The following ZNF831 variants were observed in gnomAD, a reference collection of about 807,000 sequenced individuals.
The protein encoded by ZNF831 is zinc finger protein 831, also known as chromosome 20 open reading frame 174.
ZNF831 carries 59 observed loss-of-function variants against 95.8 expected under a neutral mutation model. That is an observed-to-expected ratio of 0.62 (90% CI 0.50 to 0.77). The LOEUF (loss-of-function observed/expected upper bound fraction) is 0.77, where lower values mean the gene tolerates loss of function less well. ZNF831 is among the 30% of genes least tolerant of loss of function. The probability of loss-of-function intolerance (pLI) is 0.00; values close to 1 mark genes in which losing one functional copy is unlikely to be tolerated. For synonymous variants in ZNF831, 961 were observed against 925.5 expected, an observed-to-expected ratio of 1.04 and a Z score of -0.70; for missense variants, 2,205 against 2,164.0, an observed-to-expected ratio of 1.02 and a Z score of -0.38.
chr20:59,177,571 A>G (rs1982267969), intron 1 of ZNF831, among the ~76,000 whole-genome samples: 1 of 152,230 alleles, frequency 6.6e-6, no homozygotes, highest in African/African-American at 2.4e-5. Context: ...ACGAGTTGGT[A>G]TACAGTAGAC....
intron 2 of ZNF831, among the ~76,000 whole-genome samples, chr20:59,156,744 A>G (rs1980565158): frequency 6.6e-6 from 1 of 152,158 alleles, no homozygotes. Context: ...GATTCCACAT[A>G]GAAGTGACAT....
At chr20:59,127,733 G>A (rs935274558) in intron 1 of ZNF831, among the ~76,000 whole-genome samples, 11 of 152,240 alleles carry the variant, frequency 7.2e-5, no homozygotes, top group Non-Finnish European at 1.6e-4. Context: ...TTCAAGGGCA[G>A]GGCCTGGGTT....
At chr20:59,183,204 A>C (rs1228938433) in intron 1 of ZNF831, among the ~76,000 whole-genome samples, 1 of 152,184 alleles carries the variant, frequency 6.6e-6, no homozygotes, top group Non-Finnish European at 1.5e-5. Flanking sequence ...ACCTAACGAA[A>C]GTCTGTCCCT....
At chr20:59,132,489 C>T (rs74827482) in intron 1 of ZNF831, among the ~76,000 whole-genome samples, 2,506 of 152,294 alleles carry the variant, frequency 0.016, 60 homozygotes, top group African/African-American at 0.056. Context: ...TCCCTGCAGC[C>T]TTGCCAAGCC....
intron 2 of ZNF831, 111 bp from the exon 3 acceptor site, chr20:59,195,758 C>A: frequency 3.3e-6 from 5 of 1,506,000 alleles, no homozygotes; most frequent in Non-Finnish European, 4.4e-6. Context: ...GCAGTATTTC[C>A]GTTTTGATTT....
At chr20:59,129,045 T>G (rs1979266741) in intron 1 of ZNF831, among the ~76,000 whole-genome samples, 5 of 152,324 alleles carry the variant, frequency 3.3e-5, no homozygotes, top group Admixed American at 2.6e-4. Flanking sequence ...ATTATAGGCA[T>G]GAGCCACCGT....
intron 3 of ZNF831, 50 bp from the exon 4 acceptor site, chr20:59,206,855 G>T (rs753945196): frequency 1.3e-5 from 21 of 1,583,302 alleles, no homozygotes; most frequent in South Asian, 2.3e-5. Flanking sequence ...ATTTTTCCAG[G>T]CATGTGCTCT....
chr20:59,249,210 T>C (rs1987764129), intron 4 of ZNF831, among the ~76,000 whole-genome samples: 1 of 152,224 alleles, frequency 6.6e-6, no homozygotes. Flanking sequence ...TCCTTGACTA[T>C]ATAAAACAGT....
chr20:59,204,924 T>C (rs1258622804), intron 3 of ZNF831, among the ~76,000 whole-genome samples: 1 of 152,162 alleles, frequency 6.6e-6, no homozygotes, highest in Non-Finnish European at 1.5e-5. Context: ...ACCCTGCCCA[T>C]GACTAAACTA....
intron 1 of ZNF831, among the ~76,000 whole-genome samples, chr20:59,134,887 G>A (rs1979455218): frequency 6.6e-6 from 1 of 152,148 alleles, no homozygotes; most frequent in African/African-American, 2.4e-5. Flanking sequence ...AAAGCACCTG[G>A]CTTAGAGGGT....
rs1490810668 is a variant in ZNF831, at chr20:59,192,096, C to T, written c.1077C>T (p.Pro359=). 1 of 1,595,502 alleles carries T rather than the reference C, an allele frequency of 6.3e-7. No individual in the cohort carries two copies. Among genetic ancestry groups the T allele is most frequent in the Admixed American group, 1.7e-5 (1 of 58,172 alleles). The stretch of plus-strand genomic sequence containing the variant: ...ACAGCGCGGAGCAGCCGCATGCGCC[C>T]TGCAGCCCCCTGCACAGCCTTTCGG... The part of the protein sequence containing the change: ...RSDSAEQPHA[P]CSPLHSLSEH... The change falls in exon 2 of 6, where the codon CCC becomes CCT. Residue 359 remains proline (P), a synonymous_variant. Transcript: ENST00000371030. This position sits in a 1 kb window ranked among gnomAD's most constrained non-coding sequence, Gnocchi z 5.2.
At chr20:59,194,790 TGA>T (rs1428576452) in intron 2 of ZNF831, 33 bp downstream of exon 2, 11 of 1,523,830 alleles carry the variant, frequency 7.2e-6, no homozygotes, top group Middle Eastern at 3.8e-4. Flanking sequence ...GGCCCGGGGT[TGA>T]GAGAGCATGT....
chr20:59,244,003 C>T (rs1387102813), intron 4 of ZNF831, among the ~76,000 whole-genome samples: 2 of 152,082 alleles, frequency 1.3e-5, no homozygotes, highest in East Asian at 3.9e-4. Context: ...TATTTTAGCG[C>T]ATTCTCTTCT....
At chr20:59,222,036 C>G (rs888172575) in intron 4 of ZNF831, among the ~76,000 whole-genome samples, 1 of 152,208 alleles carries the variant, frequency 6.6e-6, no homozygotes, top group Non-Finnish European at 1.5e-5. Context: ...GAGTCTGAAT[C>G]ATAGTTAATG....
chr20:59,215,756 A>T (rs182014340), intron 4 of ZNF831, among the ~76,000 whole-genome samples: 1 of 152,302 alleles, frequency 6.6e-6, no homozygotes, highest in Admixed American at 6.5e-5. Flanking sequence ...TTTTTCTCCT[A>T]GGTGCACTTA....
intron 4 of ZNF831, among the ~76,000 whole-genome samples, chr20:59,224,038 G>A (rs1986275514): frequency 6.6e-6 from 1 of 152,220 alleles, no homozygotes; most frequent in South Asian, 2.1e-4. Flanking sequence ...TTTTGGGGGT[G>A]GATGGATTAC....
At chr20:59,147,837 C>G (rs1294535620) in intron 2 of ZNF831, among the ~76,000 whole-genome samples, 1 of 152,150 alleles carries the variant, frequency 6.6e-6, no homozygotes, top group African/African-American at 2.4e-5. Context: ...ATTTCAGAGG[C>G]GAGGCTGTAA....
At chr20:59,225,765 T>A (rs1288665975) in intron 4 of ZNF831, among the ~76,000 whole-genome samples, 2 of 152,188 alleles carry the variant, frequency 1.3e-5, no homozygotes, top group Non-Finnish European at 2.9e-5. Flanking sequence ...CTCTGGGGCA[T>A]CAGGGAAATC....
At chr20:59,248,781 T>C (rs1987738403) in intron 4 of ZNF831, among the ~76,000 whole-genome samples, 1 of 152,248 alleles carries the variant, frequency 6.6e-6, no homozygotes, top group Non-Finnish European at 1.5e-5. Context: ...TTGATAATTT[T>C]TCATGGGTGA....
Sources: allele counts gnomAD v4.1 joint callset (sites outside exome capture counted in the v4.1 genomes callset), GRCh38; gene constraint gnomAD v4.1.1; non-coding constraint Gnocchi (gnomAD v3.1); transcripts MANE v1.5; gene names NCBI Gene and HGNC (gene_info 2026-07-23, HGNC 2026-07-21).